The following BCAS3 variants were observed in gnomAD, a reference collection of about 807,000 sequenced individuals.
The protein encoded by BCAS3 is BCAS3 microtubule associated cell migration factor.
BCAS3 carries 53 observed loss-of-function variants against 116.1 expected under a neutral mutation model. The observed-to-expected ratio is 0.46, with a 90% confidence interval of 0.37 to 0.57. BCAS3 has a LOEUF of 0.57. Ranked by LOEUF, BCAS3 falls within the 20% of genes least tolerant of loss-of-function variation. The pLI, the probability that BCAS3 is intolerant of heterozygous loss-of-function variation, is 0.00. For synonymous variants in BCAS3, 391 were observed against 408.2 expected, an observed-to-expected ratio of 0.96 and a Z score of 0.51; for missense variants, 917 against 1,165.4, an observed-to-expected ratio of 0.79 and a Z score of 3.10.
intron 4 of BCAS3, among the ~76,000 whole-genome samples, chr17:60,703,927 AAG>A (rs960032410): frequency 4.0e-5 from 6 of 151,766 alleles, no homozygotes; most frequent in African/African-American, 1.5e-4. Flanking sequence ...AAAAAAAAAA[AAG>A]AAAAAAAGAA....
chr17:60,924,328 A>G, intron 12 of BCAS3, 79 bp from the exon 13 acceptor site: 1 of 1,168,552 alleles, frequency 8.6e-7, no homozygotes, highest in Non-Finnish European at 1.3e-6. Flanking sequence ...GTGGTTTGTG[A>G]TGTGCCTTCT....
chr17:60,845,785 C>CT lies in BCAS3; in HGVS notation c.477-22778dup, dbSNP rs199827244. Among the ~76,000 whole-genome samples, 826 of 144,786 alleles carry CT rather than the reference C, an allele frequency of 5.7e-3. 4 individuals are homozygous for CT. The highest frequency in any genetic ancestry group is 8.6e-3 in the Non-Finnish European group (568 of 65,758). 95.0% of individuals were successfully genotyped at this position (144,786 alleles called of 152,430 possible). A position where few individuals can be genotyped will look rare whatever the true frequency, so the allele number is the denominator to read the frequency against. On this transcript the variant is annotated intron_variant, in intron 7 of 23. Coordinates refer to ENST00000407086, the MANE Select transcript of BCAS3 (RefSeq NM_017679.5). ...CTTCTTTCTTTCTCTTTTCTTTTTC[C>CT]TTTTTTTTTTTTTCTCTCTCTCTCT...
Position 61,315,362 on chromosome 17 carries a change from G to A in BCAS3, c.2426-52965G>A, listed in dbSNP as rs1385579798. Among the ~76,000 whole-genome samples the A allele has an allele frequency of 1.1e-4, 16 of 152,014 alleles. No homozygotes were observed. The highest frequency in any genetic ancestry group is 3.4e-4 in the African/African-American group (14 of 41,378). On this transcript the variant is annotated intron_variant, in intron 22 of 23. Coordinates refer to ENST00000407086, the MANE Select transcript of BCAS3 (RefSeq NM_017679.5). The surrounding 1 kb of genome is among the most constrained non-coding windows in gnomAD (Gnocchi z 5.3). The stretch of plus-strand genomic sequence containing the variant: ...TCAAACTCCTGACCTCAGGTGATCC[G>A]GCCGCCTCAGCCTCCCAAAGTGCTG...
At chr17:61,175,205 G>T (rs1038611252) in intron 22 of BCAS3, among the ~76,000 whole-genome samples, 1 of 152,152 alleles carries the variant, frequency 6.6e-6, no homozygotes, top group Admixed American at 6.5e-5. Context: ...GCAGGAGTTC[G>T]AGATCAACCT....
chr17:60,865,618 A>G (rs1297065924), intron 7 of BCAS3, among the ~76,000 whole-genome samples: 1 of 152,224 alleles, frequency 6.6e-6, no homozygotes, highest in East Asian at 1.9e-4. Context: ...GAATTCTGCA[A>G]CCTTGGTAAA....
chr17:61,206,518 G>T (rs1048405616), intron 22 of BCAS3, among the ~76,000 whole-genome samples: 2 of 151,998 alleles, frequency 1.3e-5, no homozygotes, highest in African/African-American at 4.8e-5. Flanking sequence ...TGTGAGGGGG[G>T]ACCAAGCACA....
Position 61,105,598 on chromosome 17 carries a change from AT to A in BCAS3, c.2425+21042del, listed in dbSNP as rs1194588420. ...TGCCACCACGCCCAGCTAATTTTGT[AT>A]TTTTTTTAGTATAGATGGGGTTTCT... On this transcript the variant is annotated intron_variant, in intron 22 of 23. Transcript: ENST00000407086. The surrounding 1 kb of genome is among the most constrained non-coding windows in gnomAD (Gnocchi z 4.3). Among the ~76,000 whole-genome samples, 2 of 151,524 alleles carry A rather than the reference AT, an allele frequency of 1.3e-5. No individual in the cohort carries two copies. The highest frequency in any genetic ancestry group is 6.6e-5 in the Admixed American group (1 of 15,204).
At chr17:60,988,338 CTTTTTTTTTTTT>C (rs71148317) in intron 14 of BCAS3, among the ~76,000 whole-genome samples, 1 of 66,762 alleles carries the variant, frequency 1.5e-5, no homozygotes, top group South Asian at 8.4e-4. Context: ...TTTTCTTTTT[CTTTTTTTTTTTT>C]TTTTTTTTTT....
At chr17:61,338,185 G>A (rs2056870360) in intron 22 of BCAS3, among the ~76,000 whole-genome samples, 2 of 152,182 alleles carry the variant, frequency 1.3e-5, no homozygotes, top group African/African-American at 4.8e-5. Context: ...CTCTGGCGGG[G>A]GCGGTAGGGG....
rs117785051 is a variant in BCAS3 at position 61,095,060 on chromosome 17, T to C, written c.2425+10496T>C. On this transcript the variant is annotated intron_variant, in intron 22 of 23. Coordinates refer to ENST00000407086, the MANE Select transcript of BCAS3 (RefSeq NM_017679.5). This position sits in a 1 kb window ranked among gnomAD's most constrained non-coding sequence, Gnocchi z 4.7. ...AATAGAATATGAAAGTTAATTGATA[T>C]AGTTTCAGATTCCACATTGCAACTA... is the stretch of plus-strand genomic sequence containing the variant. Among the ~76,000 whole-genome samples the C allele has an allele frequency of 6.2e-3, 941 of 152,340 alleles. 4 individuals are homozygous for C. Among genetic ancestry groups the C allele is most frequent in the Non-Finnish European group, 9.2e-3 (629 of 68,038 alleles).
At chr17:60,998,798 T>C (rs188056538) in intron 15 of BCAS3, among the ~76,000 whole-genome samples, 1 of 152,166 alleles carries the variant, frequency 6.6e-6, no homozygotes. Context: ...ACTCTGTTGA[T>C]AGTCAGAAGC....
At chr17:60,817,012 C>A (rs2049487082) in intron 7 of BCAS3, among the ~76,000 whole-genome samples, 1 of 152,116 alleles carries the variant, frequency 6.6e-6, no homozygotes. Flanking sequence ...TTGGGTAAGA[C>A]AAAAATGACC....
rs1160641899 is a variant in BCAS3 at position 61,032,541 on chromosome 17, A to T, written c.1638-2125A>T. Among the ~76,000 whole-genome samples the T allele has an allele frequency of 6.6e-6, 1 of 152,174 alleles. No individual in the cohort carries two copies. Among genetic ancestry groups the T allele is most frequent in the Non-Finnish European group, 1.5e-5 (1 of 67,998 alleles). On this transcript the variant is annotated intron_variant, in intron 16 of 23. Coordinates refer to ENST00000407086, the MANE Select transcript of BCAS3 (RefSeq NM_017679.5). This position sits in a 1 kb window ranked among gnomAD's most constrained non-coding sequence, Gnocchi z 4.6. ...AAATAAAAGCTTTGAAAGAAGCCTT[A>T]TATTCTCAGGTAATGCAACAGAGAG...
At chr17:60,888,739 T>C (rs2056923371) in intron 9 of BCAS3, among the ~76,000 whole-genome samples, 1 of 152,210 alleles carries the variant, frequency 6.6e-6, no homozygotes, top group South Asian at 2.1e-4. Flanking sequence ...GTAGCATGAA[T>C]GAACAGTTTT....
In BCAS3 at chr17:60,892,922, CAAAAAT is replaced by C. The variant is rs548454210; in HGVS notation, c.738+3169_738+3174del. On this transcript the variant is annotated intron_variant, in intron 10 of 23. Transcript: ENST00000407086. ...GGCCAACAAGAATGAAACTCTGTCTCAAAAATAAAAATAAAAATAAAAAGTCGTTTT... is the reference window on the plus strand; with the variant it reads ...GGCCAACAAGAATGAAACTCTGTCTCAAAAATAAAAATAAAAAGTCGTTTT... 3.1e-3 allele frequency among the ~76,000 whole-genome samples: 466 copies of C among 151,926 alleles called. 1 individual carries two copies. The highest frequency in any genetic ancestry group is 9.3e-3 in the African/African-American group (387 of 41,458).
At position 61,248,554 on chromosome 17, in the gene BCAS3, C is replaced by T. The variant is rs1032125706; in HGVS notation, c.2426-119773C>T. ...AATATACAAGATTAGAGTGCAAAGTCCATCTGGTGAGAATTTGTCTGGTTT... is the reference window on the plus strand; with the variant it reads ...AATATACAAGATTAGAGTGCAAAGTTCATCTGGTGAGAATTTGTCTGGTTT... On this transcript the variant is annotated intron_variant, in intron 22 of 23. Transcript: ENST00000407086. The surrounding 1 kb of genome is among the most constrained non-coding windows in gnomAD (Gnocchi z 4.3). Among the ~76,000 whole-genome samples, 2 of 152,148 alleles carry T rather than the reference C, an allele frequency of 1.3e-5. No homozygotes were observed. Among genetic ancestry groups the T allele is most frequent in the Non-Finnish European group, 2.9e-5 (2 of 68,042 alleles).
At chr17:61,301,059 G>A (rs2053387202) in intron 22 of BCAS3, among the ~76,000 whole-genome samples, 1 of 152,198 alleles carries the variant, frequency 6.6e-6, no homozygotes, top group South Asian at 2.1e-4. Flanking sequence ...TAACTAAACA[G>A]AATTCATCAC....
In BCAS3 at chr17:61,134,217, G is replaced by A. The variant is rs1469127915; in HGVS notation, c.2425+49653G>A. Among the ~76,000 whole-genome samples, 1 of 152,172 alleles carries A rather than the reference G, an allele frequency of 6.6e-6. No homozygotes were observed. Among genetic ancestry groups the A allele is most frequent in the Non-Finnish European group, 1.5e-5 (1 of 68,022 alleles). On this transcript the variant is annotated intron_variant, in intron 22 of 23. Coordinates refer to ENST00000407086, the MANE Select transcript of BCAS3 (RefSeq NM_017679.5). The surrounding 1 kb of genome is among the most constrained non-coding windows in gnomAD (Gnocchi z 4.6). ...TTATACATCCTAAAAAGAAAGGGAAGAAATACCATTTCGTAATAAGAAGAT... is the reference window on the plus strand; with the variant it reads ...TTATACATCCTAAAAAGAAAGGGAAAAAATACCATTTCGTAATAAGAAGAT...
At chr17:60,934,164 T>G (rs565619696) in intron 13 of BCAS3, among the ~76,000 whole-genome samples, 1 of 152,232 alleles carries the variant, frequency 6.6e-6, no homozygotes, top group East Asian at 1.9e-4. Flanking sequence ...AAATATAACT[T>G]TAAGTATTTT....
Sources: allele counts gnomAD v4.1 joint callset (sites outside exome capture counted in the v4.1 genomes callset), GRCh38; gene constraint gnomAD v4.1.1; non-coding constraint Gnocchi (gnomAD v3.1); transcripts MANE v1.5; gene names NCBI Gene and HGNC (gene_info 2026-07-23, HGNC 2026-07-21).